The following KHDRBS2 variants were observed in gnomAD, a reference collection of about 807,000 sequenced individuals.
KHDRBS2 encodes the protein KH domain-containing, RNA-binding, signal transduction-associated protein 2.
A neutral mutation model predicts 44.3 loss-of-function variants in KHDRBS2; 26 were observed. The observed-to-expected ratio is 0.59, with a 90% CI of 0.43 to 0.81. The LOEUF (loss-of-function observed/expected upper bound fraction) is 0.81. Among genes scored for constraint, KHDRBS2 ranks in the 40% least tolerant of loss-of-function variants. The probability of loss-of-function intolerance (pLI) is 0.00; values close to 1 mark genes in which losing one functional copy is unlikely to be tolerated. For synonymous variants in KHDRBS2, 194 were observed against 151.1 expected, an observed-to-expected ratio of 1.28 and a Z score of -2.08; for missense variants, 476 against 433.1, an observed-to-expected ratio of 1.10 and a Z score of -0.88.
intron 6 of KHDRBS2, among the ~76,000 whole-genome samples, chr6:61,777,078 A>G (rs914971572): frequency 4.6e-5 from 7 of 152,022 alleles, no homozygotes; most frequent in Admixed American, 3.9e-4. Context: ...CATAGGTGGG[A>G]ACTGAACAAT....
chr6:61,815,754 G>A (rs1004060104), intron 6 of KHDRBS2, among the ~76,000 whole-genome samples: 2 of 152,138 alleles, frequency 1.3e-5, no homozygotes, highest in African/African-American at 4.8e-5. Context: ...AATGATCCTG[G>A]ACACTGCTTT....
intron 6 of KHDRBS2, among the ~76,000 whole-genome samples, chr6:61,804,223 T>A (rs564764657): frequency 6.6e-5 from 10 of 152,222 alleles, no homozygotes; most frequent in African/African-American, 2.2e-4. Flanking sequence ...AAGTCTGAAA[T>A]CCAACAAGGC....
intron 1 of KHDRBS2, among the ~76,000 whole-genome samples, chr6:62,211,233 T>C (rs1016046609): frequency 6.6e-6 from 1 of 152,044 alleles, no homozygotes; most frequent in Non-Finnish European, 1.5e-5. Context: ...CAGGATATTA[T>C]ATAAATAAAA....
chr6:61,603,107 C>A, the KHDRBS2 span, among the ~76,000 whole-genome samples: 1 of 152,158 alleles, frequency 6.6e-6, no homozygotes, highest in Non-Finnish European at 1.5e-5. Flanking sequence ...CATCCCACAG[C>A]ATGCTTTAAA....
At chr6:61,998,293 A>G (rs1214074666) in intron 3 of KHDRBS2, among the ~76,000 whole-genome samples, 2 of 152,112 alleles carry the variant, frequency 1.3e-5, no homozygotes, top group African/African-American at 4.8e-5. Context: ...ATTTCAATCA[A>G]CCATCTTGTA....
chr6:62,217,101 CATT>C lies in KHDRBS2; in HGVS notation c.92-39792_92-39790del, dbSNP rs534020629. 7.4e-5 allele frequency among the ~76,000 whole-genome samples: 11 copies of C among 149,240 alleles called. No individual in the cohort carries two copies. In the South Asian group the frequency reaches 2.1e-3, roughly 29 times the overall value. On this transcript the variant is annotated intron_variant, in intron 1 of 8. Coordinates refer to ENST00000281156, the MANE Select transcript of KHDRBS2 (RefSeq NM_152688.4). ...ATTTTCATCTACAACATCTGTGTTACATTATTATTTATTTCAAACACTAAATCA... is the reference window on the plus strand; with the variant it reads ...ATTTTCATCTACAACATCTGTGTTACATTATTTATTTCAAACACTAAATCA...
At chr6:61,690,570 G>T (rs555190964) in intron 8 of KHDRBS2, among the ~76,000 whole-genome samples, 1 of 152,118 alleles carries the variant, frequency 6.6e-6, no homozygotes, top group African/African-American at 2.4e-5. Context: ...AAAAGTCAAG[G>T]TTGAGATTTA....
the KHDRBS2 span, among the ~76,000 whole-genome samples, chr6:61,656,432 G>A: frequency 1.3e-5 from 2 of 151,944 alleles, no homozygotes; most frequent in Non-Finnish European, 2.9e-5. Flanking sequence ...TTTGAGCCTA[G>A]GCAGTCTAAC....
intron 3 of KHDRBS2, among the ~76,000 whole-genome samples, chr6:61,983,325 C>T (rs554778238): frequency 1.1e-3 from 160 of 147,216 alleles, no homozygotes; most frequent in Middle Eastern, 3.6e-3. Flanking sequence ...GATCCCCTAA[C>T]TCTGGCTCCC....
At chr6:62,171,239 C>G (rs1443614196) in intron 2 of KHDRBS2, among the ~76,000 whole-genome samples, 1 of 151,652 alleles carries the variant, frequency 6.6e-6, no homozygotes, top group African/African-American at 2.4e-5. Context: ...AAAAAAGAAC[C>G]AAGTAATCTG....
At chr6:62,106,326 G>A (rs1465620999) in intron 2 of KHDRBS2, among the ~76,000 whole-genome samples, 2 of 151,996 alleles carry the variant, frequency 1.3e-5, no homozygotes, top group African/African-American at 4.8e-5. Context: ...TCAATTCCAG[G>A]GGATCCTTGT....
At chr6:61,850,175 T>C (rs1795224381) in intron 6 of KHDRBS2, among the ~76,000 whole-genome samples, 1 of 152,078 alleles carries the variant, frequency 6.6e-6, no homozygotes, top group Non-Finnish European at 1.5e-5. Context: ...TCTATTTTAA[T>C]GTTGGGAGGA....
At chr6:62,183,885 A>T (rs1014933881) in intron 1 of KHDRBS2, among the ~76,000 whole-genome samples, 6 of 151,638 alleles carry the variant, frequency 4.0e-5, no homozygotes, top group Non-Finnish European at 8.9e-5. Flanking sequence ...AAGGAACTTT[A>T]ACTATTTTAC....
At chr6:61,724,564 C>T (rs542768591) in intron 7 of KHDRBS2, among the ~76,000 whole-genome samples, 1 of 152,210 alleles carries the variant, frequency 6.6e-6, no homozygotes, top group South Asian at 2.1e-4. Context: ...CTTCAAGAGA[C>T]CCATCTCATG....
intron 3 of KHDRBS2, among the ~76,000 whole-genome samples, chr6:62,033,805 T>C (rs1784769864): frequency 6.6e-6 from 1 of 151,354 alleles, no homozygotes; most frequent in Admixed American, 6.6e-5. Flanking sequence ...ATAATTTAAA[T>C]TGAAATGAAG....
At chr6:61,642,289 C>G in the KHDRBS2 span, among the ~76,000 whole-genome samples, 1 of 151,846 alleles carries the variant, frequency 6.6e-6, no homozygotes, top group East Asian at 1.9e-4. Context: ...TTGTCTTATA[C>G]CTGATAATTT....
At chr6:61,900,403 T>C (rs986317181) in intron 5 of KHDRBS2, among the ~76,000 whole-genome samples, 1 of 152,134 alleles carries the variant, frequency 6.6e-6, no homozygotes, top group Non-Finnish European at 1.5e-5. Context: ...CCTTTAGAGA[T>C]TTAAAAGCCA....
chr6:61,865,322 G>A (rs557344415), intron 6 of KHDRBS2, among the ~76,000 whole-genome samples: 1 of 152,282 alleles, frequency 6.6e-6, no homozygotes, highest in African/African-American at 2.4e-5. Context: ...GAAAGAAAAA[G>A]AAGTTTTAAT....
intron 6 of KHDRBS2, among the ~76,000 whole-genome samples, chr6:61,801,563 A>G (rs1399211216): frequency 1.3e-5 from 2 of 152,190 alleles, no homozygotes; most frequent in African/African-American, 4.8e-5. Context: ...CATTTGTCTT[A>G]TTCAATTTTG....
Sources: gnomAD v4.1 joint callset for allele counts (sites outside exome capture counted in the v4.1 genomes callset) on GRCh38, gnomAD v4.1.1 for gene constraint, MANE v1.5 for transcripts, NCBI Gene and HGNC (gene_info 2026-07-23, HGNC 2026-07-21) for gene names.